The following MARCHF3 variants were observed in gnomAD, a reference collection of about 807,000 sequenced individuals.
The protein encoded by MARCHF3 is E3 ubiquitin-protein ligase MARCHF3.
In MARCHF3, 13 loss-of-function variants were observed where a neutral mutation model predicts 24.2. That is an observed-to-expected ratio of 0.54 (90% CI 0.35 to 0.85). The LOEUF (loss-of-function observed/expected upper bound fraction) is 0.85, where lower values mean the gene tolerates loss of function less well. Ranked by LOEUF, MARCHF3 falls within the 40% of genes least tolerant of loss-of-function variation. The probability of loss-of-function intolerance (pLI) is 0.01; values close to 1 mark genes in which losing one functional copy is unlikely to be tolerated. For synonymous variants in MARCHF3, 144 were observed against 137.3 expected (o/e 1.05, Z -0.34); for missense variants, 276 against 325.0 (o/e 0.85, Z 1.16).
At chr5:126,959,678 A>G (rs1178925105) in intron 1 of MARCHF3, among the ~76,000 whole-genome samples, 1 of 152,192 alleles carries the variant, frequency 6.6e-6, no homozygotes, top group Non-Finnish European at 1.5e-5. Context: ...AAATCCCTGT[A>G]ATATCTTAGC....
chr5:126,922,512 TTTTATTTA>T (rs58540964), intron 1 of MARCHF3, among the ~76,000 whole-genome samples: 6,451 of 142,838 alleles, frequency 0.045, 177 homozygotes, highest in African/African-American at 0.065. Flanking sequence ...CATTTCTGTC[TTTTATTTA>T]TTTATTTATT....
intron 1 of MARCHF3, among the ~76,000 whole-genome samples, chr5:126,938,468 T>C (rs1749720128): frequency 1.3e-5 from 2 of 151,878 alleles, no homozygotes; most frequent in Non-Finnish European, 2.9e-5. Context: ...GTGCCTGGCC[T>C]GTTGATCTGA....
intron 3 of MARCHF3, among the ~76,000 whole-genome samples, chr5:126,889,571 A>C (rs981122917): frequency 1.3e-5 from 2 of 152,144 alleles, no homozygotes; most frequent in Non-Finnish European, 2.9e-5. Flanking sequence ...ATGCTCCCAA[A>C]GTAAGCAAGA....
At chr5:126,955,965 A>G (rs1750423373) in intron 1 of MARCHF3, among the ~76,000 whole-genome samples, 1 of 152,184 alleles carries the variant, frequency 6.6e-6, no homozygotes, top group African/African-American at 2.4e-5. Context: ...AAAATTATCC[A>G]TTTGTATGGG....
At chr5:126,991,021 C>T (rs576140767) in intron 1 of MARCHF3, among the ~76,000 whole-genome samples, 1 of 152,270 alleles carries the variant, frequency 6.6e-6, no homozygotes, top group South Asian at 2.1e-4. Flanking sequence ...CTAGAAATAG[C>T]ATTCGACCCA....
chr5:126,945,316 G>C (rs1749972583), intron 1 of MARCHF3, among the ~76,000 whole-genome samples: 2 of 152,230 alleles, frequency 1.3e-5, no homozygotes, highest in African/African-American at 4.8e-5. Flanking sequence ...CCTCTGGATA[G>C]AGAAGCAAAA....
chr5:126,875,949 T>C (rs576787679), intron 4 of MARCHF3, among the ~76,000 whole-genome samples: 21 of 152,316 alleles, frequency 1.4e-4, no homozygotes, highest in African/African-American at 5.1e-4. Context: ...ACACTGTTAT[T>C]AGGGTGATAA....
At chr5:127,023,638 A>G (rs1213969014) in intron 1 of MARCHF3, among the ~76,000 whole-genome samples, 2 of 151,976 alleles carry the variant, frequency 1.3e-5, no homozygotes, top group Non-Finnish European at 2.9e-5. Context: ...AGGCTGAGGC[A>G]GGAGAATCAC....
intron 2 of MARCHF3, among the ~76,000 whole-genome samples, chr5:126,916,834 G>C (rs1390095902): frequency 6.6e-6 from 1 of 152,142 alleles, no homozygotes; most frequent in Non-Finnish European, 1.5e-5. Flanking sequence ...CAGTCACCCA[G>C]TCTCAGTTCG....
chr5:126,888,903 T>A (rs1457995453), intron 3 of MARCHF3, among the ~76,000 whole-genome samples: 1 of 152,200 alleles, frequency 6.6e-6, no homozygotes, highest in Non-Finnish European at 1.5e-5. Context: ...TATCTGAGAT[T>A]ACACACATGC....
At chr5:126,871,989 G>T (rs1752983751) in intron 4 of MARCHF3, among the ~76,000 whole-genome samples, 1 of 151,962 alleles carries the variant, frequency 6.6e-6, no homozygotes. Flanking sequence ...GGGATTACAG[G>T]CGTGAGCCAC....
rs79858313 is a variant in MARCHF3, at chr5:126,959,800, C to T, written c.-56-41573G>A. On this transcript the variant is annotated intron_variant, in intron 1 of 4. Coordinates refer to ENST00000308660, the MANE Select transcript of MARCHF3 (RefSeq NM_178450.5). Reference sequence around the variant, plus strand: ...TTGAATGTTCTTAAAGCCGTAATTACTATACCTCCATGGAAAACAACTCAG... The same window carrying T: ...TTGAATGTTCTTAAAGCCGTAATTATTATACCTCCATGGAAAACAACTCAG... Among the ~76,000 whole-genome samples the T allele has an allele frequency of 2.4e-4, 36 of 152,268 alleles. No homozygotes were observed. In the East Asian group the frequency reaches 6.7e-3, roughly 29 times the overall value.
At chr5:126,873,172 G>T (rs901489794) in intron 4 of MARCHF3, among the ~76,000 whole-genome samples, 7 of 152,146 alleles carry the variant, frequency 4.6e-5, no homozygotes, top group Non-Finnish European at 1.0e-4. Flanking sequence ...AGGCACACGG[G>T]CCTGCAATCT....
intron 2 of MARCHF3, among the ~76,000 whole-genome samples, chr5:126,917,006 CAGCA>C (rs1353544608): frequency 2.0e-5 from 3 of 152,178 alleles, no homozygotes; most frequent in Non-Finnish European, 4.4e-5. Context: ...GTGTTTACAA[CAGCA>C]TGGGAGTGTG....
At chr5:126,905,202 GT>G (rs1289308139) in intron 3 of MARCHF3, among the ~76,000 whole-genome samples, 1 of 84,220 alleles carries the variant, frequency 1.2e-5, no homozygotes, top group African/African-American at 4.9e-5. Context: ...GTACCATGCT[GT>G]TTTGGTTACT....
chr5:126,963,118 G>A (rs533915980), intron 1 of MARCHF3, among the ~76,000 whole-genome samples: 2 of 152,190 alleles, frequency 1.3e-5, no homozygotes, highest in South Asian at 4.1e-4. Flanking sequence ...AGCCTAGTAT[G>A]CAGCACTGAG....
intron 1 of MARCHF3, among the ~76,000 whole-genome samples, chr5:126,963,616 T>C (rs1316615189): frequency 6.6e-6 from 1 of 152,236 alleles, no homozygotes; most frequent in Non-Finnish European, 1.5e-5. Flanking sequence ...TCTAAGATAC[T>C]AAGCATTTTT....
chr5:126,869,040 G>A lies in MARCHF3; in HGVS notation c.*1593C>T, dbSNP rs531734725. 1.3e-5 allele frequency: 2 copies of A among 152,306 alleles called. No homozygotes were observed. The highest frequency in any genetic ancestry group is 3.9e-4 in the East Asian group (2 of 5,174). The allele number at this position is 152,306 out of a possible 1,614,324, so 9.4% of individuals were successfully genotyped here. On this transcript the variant is annotated 3_prime_UTR_variant, in exon 5 of 5. Coordinates refer to ENST00000308660, the MANE Select transcript of MARCHF3 (RefSeq NM_178450.5). ...ATAAAGCACATCTGAGTTTTGCAGCGGAGAGCAGTACAGCTGTTTCCCTCC... is the reference window on the plus strand; with the variant it reads ...ATAAAGCACATCTGAGTTTTGCAGCAGAGAGCAGTACAGCTGTTTCCCTCC...
rs35396546 is a variant in MARCHF3 at position 126,944,992 on chromosome 5, C to CT, written c.-56-26766dup. Among the ~76,000 whole-genome samples, 9 of 152,126 alleles carry CT rather than the reference C, an allele frequency of 5.9e-5. No homozygotes were observed. In the East Asian group the frequency reaches 1.5e-3, roughly 26 times the overall value. Reference sequence around the variant, plus strand: ...TTAGTATTTTGCAGAATACCAGTCACTTTTTTTGCCTGCCCCTTCCTCCCT... The same window carrying CT: ...TTAGTATTTTGCAGAATACCAGTCACTTTTTTTTGCCTGCCCCTTCCTCCCT... On this transcript the variant is annotated intron_variant, in intron 1 of 4. Coordinates refer to ENST00000308660, the MANE Select transcript of MARCHF3 (RefSeq NM_178450.5).
Sources: gnomAD v4.1 joint callset for allele counts (sites outside exome capture counted in the v4.1 genomes callset) on GRCh38, gnomAD v4.1.1 for gene constraint, MANE v1.5 for transcripts, NCBI Gene and HGNC (gene_info 2026-07-23, HGNC 2026-07-21) for gene names.